The following TMEM127 variants were observed in gnomAD, a reference collection of about 807,000 sequenced individuals.
TMEM127 encodes transmembrane protein 127.
Under a neutral mutation model 20.1 loss-of-function variants are expected in TMEM127, and 21 were observed. That is an observed-to-expected ratio of 1.04 (90% CI 0.74 to 1.50). The LOEUF is 1.50. TMEM127 is among the 40% of genes most tolerant of loss of function. The probability of loss-of-function intolerance (pLI) is 0.00; values close to 1 mark genes in which losing one functional copy is unlikely to be tolerated. For missense variants in TMEM127, 303 were observed against 317.4 expected (o/e 0.95, Z 0.34); for synonymous variants, 150 against 144.7 (o/e 1.04, Z -0.26).
chr2:96,265,012 T>C, intron 2 of TMEM127, 126 bp downstream of exon 2: 1 of 1,489,654 alleles, frequency 6.7e-7, no homozygotes, highest in Non-Finnish European at 9.1e-7. Flanking sequence ...CTGGTGGGCA[T>C]GAACACCAGG....
intron 2 of TMEM127, among the ~76,000 whole-genome samples, chr2:96,262,987 A>T (rs1684341547): frequency 6.6e-6 from 1 of 151,366 alleles, no homozygotes; most frequent in Admixed American, 6.6e-5. Context: ...CCTGGCCCGA[A>T]TAATTTCTTA....
chr2:96,255,768 AAG>A (rs1230043364), intron 2 of TMEM127, among the ~76,000 whole-genome samples: 1 of 152,054 alleles, frequency 6.6e-6, no homozygotes, highest in Non-Finnish European at 1.5e-5. Context: ...GCTCGAGGCC[AAG>A]AGTCTGAGAT....
At chr2:96,261,423 A>G (rs1684310719) in intron 2 of TMEM127, among the ~76,000 whole-genome samples, 2 of 152,244 alleles carry the variant, frequency 1.3e-5, no homozygotes, top group South Asian at 4.2e-4. Context: ...TGCTGAGATT[A>G]CAGGAGTGAA....
rs1684121594 is a variant in TMEM127, at chr2:96,252,895, T to C, written c.*913A>G. On this transcript the variant is annotated 3_prime_UTR_variant, in exon 4 of 4. Coordinates refer to ENST00000258439, the MANE Select transcript of TMEM127 (RefSeq NM_017849.4). The surrounding 1 kb of genome is among the most constrained non-coding windows in gnomAD (Gnocchi z 4.2). ...CCAGGGAAGGGAGGCTGCATTCTAC[T>C]GGGAGAGACTCGGGGAGGGACTACC... 2 of 233,440 alleles carry C rather than the reference T, an allele frequency of 8.6e-6. No homozygotes were observed. The highest frequency in any genetic ancestry group is 1.1e-4 in the Admixed American group (2 of 17,778). 14.5% of individuals were successfully genotyped at this position (233,440 alleles called of 1,614,324 possible). A position where few individuals can be genotyped will look rare whatever the true frequency, so the allele number is the denominator to read the frequency against.
rs371702714 is a variant in TMEM127 at position 96,253,261 on chromosome 2, C to T, written c.*547G>A. 1.0e-4 allele frequency: 24 copies of T among 235,146 alleles called. No homozygotes were observed. The South Asian group carries it at 4.3e-3, about 42-fold the overall frequency. 14.6% of individuals were successfully genotyped at this position (235,146 alleles called of 1,614,324 possible). On this transcript the variant is annotated 3_prime_UTR_variant, in exon 4 of 4. Transcript: ENST00000258439. The surrounding 1 kb of genome is among the most constrained non-coding windows in gnomAD (Gnocchi z 4.3). Reference sequence around the variant, plus strand: ...ATTCCCTCTCCCCATAAAACCAGGGCACACGTGAGGAGAAGTCCAAAGAGT... The same window carrying T: ...ATTCCCTCTCCCCATAAAACCAGGGTACACGTGAGGAGAAGTCCAAAGAGT...
intron 2 of TMEM127, among the ~76,000 whole-genome samples, chr2:96,264,177 G>A (rs767510953): frequency 6.6e-5 from 10 of 152,226 alleles, no homozygotes; most frequent in Non-Finnish European, 1.2e-4. Flanking sequence ...AGTATGGTCC[G>A]ATGCACAGCG....
Position 96,254,057 on chromosome 2 carries a change from G to T in TMEM127, c.468C>A (p.Ala156=), listed in dbSNP as rs749579854. 2 of 1,614,158 alleles carry T rather than the reference G, an allele frequency of 1.2e-6. No individual in the cohort carries two copies. Among genetic ancestry groups the T allele is most frequent in the Non-Finnish European group, 1.7e-6 (2 of 1,180,018 alleles). The change falls in exon 4 of 4, where the codon GCC becomes GCA. Residue 156 remains alanine (A), a synonymous_variant. Coordinates refer to ENST00000258439, the MANE Select transcript of TMEM127 (RefSeq NM_017849.4). ...GGTACTTCTTATGCTGCTGCTGCTG[G>T]GCCAAGATGAGTTCAGAAGCCCAAT... ...FSYWASELIL[A]QQQQHKKYHG...
Position 96,262,164 on chromosome 2 carries a change from C to T in TMEM127, c.244+2974G>A, listed in dbSNP as rs182639227. Among the ~76,000 whole-genome samples the T allele has an allele frequency of 3.8e-3, 573 of 151,544 alleles. 2 individuals carry two copies. The highest frequency in any genetic ancestry group is 6.3e-3 in the Admixed American group (96 of 15,164). On this transcript the variant is annotated intron_variant, in intron 2 of 3. Coordinates refer to ENST00000258439, the MANE Select transcript of TMEM127 (RefSeq NM_017849.4). ...ATTCCAACTACTCGTGAGGCTGAGA[C>T]AGGAGAATTGCTTGAACCCGGGAGG...
Position 96,250,432 on chromosome 2 carries a change from C to T in TMEM127, c.*3376G>A. ...TTTTCCGAGCCGGCCGCCCACTTCA[C>T]TCTGCCTTTCTGTGGACAAGTCCAT... On this transcript the variant is annotated 3_prime_UTR_variant, in exon 4 of 4. Coordinates refer to ENST00000258439, the MANE Select transcript of TMEM127 (RefSeq NM_017849.4). The T allele has an allele frequency of 4.3e-6, 1 of 233,006 alleles. No homozygotes were observed. The highest frequency in any genetic ancestry group is 1.8e-4 in the South Asian group (1 of 5,530). 14.4% of individuals were successfully genotyped at this position (233,006 alleles called of 1,614,324 possible). A position where few individuals can be genotyped will look rare whatever the true frequency, so the allele number is the denominator to read the frequency against.
At chr2:96,263,365 T>C (rs773970637) in intron 2 of TMEM127, among the ~76,000 whole-genome samples, 93 of 149,796 alleles carry the variant, frequency 6.2e-4, no homozygotes, top group South Asian at 2.5e-3. Flanking sequence ...CCTTTCTTTT[T>C]TTTTTTTTTT....
At position 96,265,271 on chromosome 2, in the gene TMEM127, G is replaced by A. The variant is rs1573977865; in HGVS notation, c.111C>T (p.Gly37=). The A allele has an allele frequency of 2.5e-6, 4 of 1,575,252 alleles. No homozygotes were observed. Among genetic ancestry groups the A allele is most frequent in the Non-Finnish European group, 3.4e-6 (4 of 1,166,658 alleles). ...PERSLASALP[G]ALSITALCTA... ...TGCACAGCGCCGTGATAGACAGGGC[G>A]CCAGGCAGGGCCGAGGCCAGGCTAC... Residue 37 remains glycine, a synonymous_variant, in exon 2 of 4, where the codon GGC becomes GGT. Coordinates refer to ENST00000258439, the MANE Select transcript of TMEM127 (RefSeq NM_017849.4).
intron 2 of TMEM127, among the ~76,000 whole-genome samples, chr2:96,256,075 A>T (rs1014884661): frequency 1.3e-5 from 2 of 151,804 alleles, no homozygotes; most frequent in Middle Eastern, 3.4e-3. Context: ...GATCGAGACC[A>T]TCTTGGCCAA....
In TMEM127 at chr2:96,252,382, A is replaced by G. The variant is rs1684111776; in HGVS notation, c.*1426T>C. 8.6e-6 allele frequency: 2 copies of G among 233,406 alleles called. No individual in the cohort carries two copies. The highest frequency in any genetic ancestry group is 1.7e-5 in the Non-Finnish European group (2 of 118,118). 14.5% of individuals were successfully genotyped at this position (233,406 alleles called of 1,614,324 possible). On this transcript the variant is annotated 3_prime_UTR_variant, in exon 4 of 4. Coordinates refer to ENST00000258439, the MANE Select transcript of TMEM127 (RefSeq NM_017849.4). This position sits in a 1 kb window ranked among gnomAD's most constrained non-coding sequence, Gnocchi z 4.2. ...AAGAAGCAAGTAACTTAACAAGGAC[A>G]GGTTGGCCATCTGGATCTACACTGA...
At chr2:96,263,048 C>CA (rs1553437592) in intron 2 of TMEM127, among the ~76,000 whole-genome samples, 1 of 136,692 alleles carries the variant, frequency 7.3e-6, no homozygotes, top group Admixed American at 7.4e-5. Context: ...CAAGAATTTA[C>CA]TTTTTTTTTT....
chr2:96,254,753 G>T, intron 3 of TMEM127, 80 bp downstream of exon 3: 1 of 1,583,050 alleles, frequency 6.3e-7, no homozygotes, highest in Non-Finnish European at 8.7e-7. Context: ...AGAGAAACCA[G>T]AGCCCCCACC....
chr2:96,258,079 G>A (rs1339176089), intron 2 of TMEM127, among the ~76,000 whole-genome samples: 3 of 152,192 alleles, frequency 2.0e-5, no homozygotes, highest in Admixed American at 2.0e-4. Context: ...CTTGATCTCA[G>A]GCTGAGAGGG....
chr2:96,263,069 T>TG (rs1262203603), intron 2 of TMEM127, among the ~76,000 whole-genome samples: 10 of 150,930 alleles, frequency 6.6e-5, no homozygotes, highest in African/African-American at 2.2e-4. Flanking sequence ...TTTTTTGAGA[T>TG]GGAGTCTTGC....
chr2:96,260,006 T>C (rs1334384315), intron 2 of TMEM127, among the ~76,000 whole-genome samples: 1 of 152,236 alleles, frequency 6.6e-6, no homozygotes, highest in East Asian at 1.9e-4. Context: ...TATGACAATA[T>C]GATAGAGAGA....
Position 96,253,356 on chromosome 2 carries a change from G to A in TMEM127, c.*452C>T, listed in dbSNP as rs1237191041. On this transcript the variant is annotated 3_prime_UTR_variant, in exon 4 of 4. Transcript: ENST00000258439. This position sits in a 1 kb window ranked among gnomAD's most constrained non-coding sequence, Gnocchi z 4.3. ...ACTCCGAGAAGGAAGGGGTCTGGGG[G>A]GCGTCAGCCCAGAGCTACAGCTGTG... The A allele has an allele frequency of 3.6e-5, 9 of 246,982 alleles. No homozygotes were observed. The highest frequency in any genetic ancestry group is 7.1e-5 in the Non-Finnish European group (9 of 126,080). 15.3% of individuals were successfully genotyped at this position (246,982 alleles called of 1,614,324 possible).
Sources: allele counts gnomAD v4.1 joint callset (sites outside exome capture counted in the v4.1 genomes callset), GRCh38; gene constraint gnomAD v4.1.1; non-coding constraint Gnocchi (gnomAD v3.1); transcripts MANE v1.5; gene names NCBI Gene and HGNC (gene_info 2026-07-23, HGNC 2026-07-21).